Variants in ZSCAN5A observed in about 807,000 individuals in gnomAD.
ZSCAN5A encodes the protein zinc finger and SCAN domain-containing protein 5A.
Under a neutral mutation model 23.7 loss-of-function variants are expected in ZSCAN5A, and 12 were observed. That is an observed-to-expected ratio of 0.51 (90% CI 0.32 to 0.82). ZSCAN5A has a LOEUF of 0.82. ZSCAN5A is among the 40% of genes least tolerant of loss of function. ZSCAN5A has a pLI of 0.03. For missense variants in ZSCAN5A, 597 were observed against 617.9 expected, an observed-to-expected ratio of 0.97 and a Z score of 0.36; for synonymous variants, 257 against 239.9, an observed-to-expected ratio of 1.07 and a Z score of -0.66.
At chr19:56,323,317 T>C (rs2147426456) in intron 2 of ZSCAN5A, among the ~76,000 whole-genome samples, 1 of 152,214 alleles carries the variant, frequency 6.6e-6, no homozygotes, top group East Asian at 1.9e-4. Flanking sequence ...CACCTCAGCC[T>C]CCTGAGTAGC....
chr19:56,239,299 T>C (rs2035225464), intron 2 of ZSCAN5A, among the ~76,000 whole-genome samples: 1 of 152,248 alleles, frequency 6.6e-6, no homozygotes, highest in African/African-American at 2.4e-5. Flanking sequence ...TTTGAATGGA[T>C]TTGTGAATCA....
At chr19:56,267,730 C>T (rs1262958125) in intron 2 of ZSCAN5A, among the ~76,000 whole-genome samples, 1 of 152,164 alleles carries the variant, frequency 6.6e-6, no homozygotes, top group Non-Finnish European at 1.5e-5. Flanking sequence ...GGACCTTATG[C>T]TTTTAGATCT....
intron 2 of ZSCAN5A, among the ~76,000 whole-genome samples, chr19:56,237,422 C>T (rs1353098357): frequency 2.0e-5 from 3 of 152,192 alleles, no homozygotes; most frequent in Non-Finnish European, 4.4e-5. Context: ...AATAGGTTTT[C>T]TGTTGGACGA....
intron 2 of ZSCAN5A, among the ~76,000 whole-genome samples, chr19:56,332,032 A>C (rs1005214777): frequency 4.6e-5 from 7 of 152,148 alleles, no homozygotes; most frequent in African/African-American, 1.7e-4. Context: ...ACTGTGGTCC[A>C]AGGGTATGGC....
At chr19:56,240,158 T>A (rs1197534731) in intron 2 of ZSCAN5A, among the ~76,000 whole-genome samples, 1 of 147,888 alleles carries the variant, frequency 6.8e-6, no homozygotes, top group Non-Finnish European at 1.5e-5. Flanking sequence ...TGAGACTCTG[T>A]CTCAAAAAAA....
At chr19:56,232,613 T>G (rs2034562569) in intron 2 of ZSCAN5A, among the ~76,000 whole-genome samples, 1 of 152,060 alleles carries the variant, frequency 6.6e-6, no homozygotes, top group Admixed American at 6.6e-5. Context: ...CCTGGCTGAC[T>G]CTGCTGTGAT....
At chr19:56,240,087 A>G (rs535129585) in intron 2 of ZSCAN5A, among the ~76,000 whole-genome samples, 8 of 152,050 alleles carry the variant, frequency 5.3e-5, no homozygotes, top group African/African-American at 1.9e-4. Flanking sequence ...GCTTGAACCC[A>G]GGAGGTGGAG....
In ZSCAN5A at chr19:56,293,738, A is replaced by C. The variant is rs76128467; in HGVS notation, c.-128+19545T>G. 7.8e-3 allele frequency among the ~76,000 whole-genome samples: 1,192 copies of C among 152,166 alleles called. 17 individuals are homozygous for C. Among genetic ancestry groups the C allele is most frequent in the African/African-American group, 0.027 (1,109 of 41,518 alleles). On this transcript the variant is annotated intron_variant, in intron 2 of 5. Coordinates refer to ENST00000683990, the MANE Select transcript of ZSCAN5A (RefSeq NM_001322064.3). ...AGGGGACACCTGGCAATGCCTAGAGATATTTTTGGTTGTGAGGACTCAGGG... is the reference window on the plus strand; with the variant it reads ...AGGGGACACCTGGCAATGCCTAGAGCTATTTTTGGTTGTGAGGACTCAGGG...
intron 2 of ZSCAN5A, chr19:56,285,071 G>C: frequency 1.1e-6 from 1 of 951,852 alleles, no homozygotes; most frequent in Non-Finnish European, 1.3e-6. Flanking sequence ...TCTCTTGTCC[G>C]CAAGGTAATG....
intron 2 of ZSCAN5A, among the ~76,000 whole-genome samples, chr19:56,359,285 G>GA (rs1183625636): frequency 6.6e-6 from 1 of 152,074 alleles, no homozygotes; most frequent in Admixed American, 6.5e-5. Context: ...TACTGTCAGA[G>GA]AAAATGATAA....
intron 2 of ZSCAN5A, among the ~76,000 whole-genome samples, chr19:56,238,419 G>C (rs958648668): frequency 1.3e-5 from 2 of 152,184 alleles, no homozygotes; most frequent in African/African-American, 4.8e-5. Context: ...GTAGAGGCCA[G>C]GAATTGGAGA....
At chr19:56,285,282 C>T (rs1600184859) in intron 2 of ZSCAN5A, among the ~76,000 whole-genome samples, 1 of 152,134 alleles carries the variant, frequency 6.6e-6, no homozygotes, top group Non-Finnish European at 1.5e-5. Flanking sequence ...GGGAAAATAT[C>T]GAGGAAACAT....
At chr19:56,304,176 C>G (rs916172004) in intron 2 of ZSCAN5A, among the ~76,000 whole-genome samples, 2 of 152,116 alleles carry the variant, frequency 1.3e-5, no homozygotes, top group African/African-American at 4.8e-5. Flanking sequence ...GAGAGGAGGC[C>G]CGACCAGCCA....
intron 2 of ZSCAN5A, chr19:56,285,064 C>G (rs1354579066): frequency 1.0e-6 from 1 of 975,042 alleles, no homozygotes; most frequent in Non-Finnish European, 1.2e-6. Context: ...TGGTCTTTCT[C>G]TTGTCCGCAA....
At chr19:56,322,097 T>A (rs2041381983) in intron 2 of ZSCAN5A, 17 of 761,608 alleles carry the variant, frequency 2.2e-5, no homozygotes, top group South Asian at 1.9e-4. Context: ...ATAACAAGGA[T>A]ATCAAATTCA....
chr19:56,305,647 C>T (rs1285641001), intron 2 of ZSCAN5A, among the ~76,000 whole-genome samples: 1 of 152,108 alleles, frequency 6.6e-6, no homozygotes, highest in African/African-American at 2.4e-5. Flanking sequence ...ACTGATGCAT[C>T]CTGGATGCAG....
chr19:56,353,646 G>A (rs2041682875), intron 2 of ZSCAN5A, among the ~76,000 whole-genome samples: 1 of 152,008 alleles, frequency 6.6e-6, no homozygotes, highest in South Asian at 2.1e-4. Context: ...GCTGCGCGTG[G>A]TGGCAGGCAC....
chr19:56,305,800 G>A (rs866507002), intron 2 of ZSCAN5A, among the ~76,000 whole-genome samples: 2 of 152,114 alleles, frequency 1.3e-5, no homozygotes, highest in Admixed American at 6.6e-5. Flanking sequence ...GGGTGATGAA[G>A]GAAAGCCTCT....
chr19:56,248,251 TTC>T (rs1045104754), intron 2 of ZSCAN5A, among the ~76,000 whole-genome samples: 2 of 152,114 alleles, frequency 1.3e-5, no homozygotes, highest in Non-Finnish European at 2.9e-5. Flanking sequence ...TCTTTTTTGC[TTC>T]TTTTTCTTCT....
Sources: gnomAD v4.1 joint callset for allele counts (sites outside exome capture counted in the v4.1 genomes callset) on GRCh38, gnomAD v4.1.1 for gene constraint, MANE v1.5 for transcripts, NCBI Gene and HGNC (gene_info 2026-07-23, HGNC 2026-07-21) for gene names.